Variants in CDH12 observed in about 807,000 individuals in gnomAD.
CDH12 encodes the protein cadherin 12, also known as cadherin-12.
In CDH12, 41 loss-of-function variants were observed where a neutral mutation model predicts 74.1. The observed-to-expected ratio is 0.55, with a 90% CI of 0.43 to 0.72. The LOEUF (loss-of-function observed/expected upper bound fraction) is 0.72. CDH12 is among the 30% of genes least tolerant of loss of function. The probability of loss-of-function intolerance (pLI) is 0.00; values close to 1 mark genes in which losing one functional copy is unlikely to be tolerated. For synonymous variants in CDH12, 399 were observed against 355.0 expected, an observed-to-expected ratio of 1.12 and a Z score of -1.39; for missense variants, 945 against 977.2, an observed-to-expected ratio of 0.97 and a Z score of 0.44.
At chr5:22,508,334 C>T (rs1298959925) in intron 1 of CDH12, among the ~76,000 whole-genome samples, 2 of 152,164 alleles carry the variant, frequency 1.3e-5, no homozygotes, top group African/African-American at 4.8e-5. Flanking sequence ...TGGTGACTTA[C>T]TTTGCAACCT....
Position 21,802,283 on chromosome 5 carries a change from C to T in CDH12, c.1140G>A (p.Glu380=), listed in dbSNP as rs1352267688. 1 of 1,612,058 alleles carries T rather than the reference C, an allele frequency of 6.2e-7. No homozygotes were observed. Among genetic ancestry groups the T allele is most frequent in the Non-Finnish European group, 8.5e-7 (1 of 1,179,342 alleles). ...AGAGCGGCTTGCTGAAAACCGGTGG[C>T]TCATCTACGTCCAGCACGCTGATCT... The part of the protein sequence containing the change: ...TVKISVLDVD[E]PPVFSKPLYT... The change falls in exon 10 of 15, where the codon GAG becomes GAA. Residue 380 remains glutamate, a synonymous_variant. Transcript: ENST00000382254.
At chr5:22,313,569 T>C (rs1004337149) in intron 3 of CDH12, among the ~76,000 whole-genome samples, 3 of 152,192 alleles carry the variant, frequency 2.0e-5, no homozygotes, top group African/African-American at 4.8e-5. Context: ...GATCACACTA[T>C]ATAAATTTTA....
At chr5:22,510,318 AG>A (rs1195383883) in intron 1 of CDH12, among the ~76,000 whole-genome samples, 1 of 152,202 alleles carries the variant, frequency 6.6e-6, no homozygotes, top group Non-Finnish European at 1.5e-5. Flanking sequence ...AGAAGTTAAT[AG>A]ACTTTGTTGG....
At chr5:22,597,259 T>C (rs1176803333) in intron 1 of CDH12, among the ~76,000 whole-genome samples, 1 of 152,176 alleles carries the variant, frequency 6.6e-6, no homozygotes, top group Admixed American at 6.5e-5. Flanking sequence ...TGGATAAAAA[T>C]ATAACAACTA....
At chr5:22,162,295 C>G (rs1748398188) in intron 4 of CDH12, among the ~76,000 whole-genome samples, 1 of 152,124 alleles carries the variant, frequency 6.6e-6, no homozygotes, top group Admixed American at 6.6e-5. Context: ...CTCTCTTTGT[C>G]TGACTCTTCA....
chr5:22,589,589 G>C (rs1740580729), intron 1 of CDH12, among the ~76,000 whole-genome samples: 1 of 152,122 alleles, frequency 6.6e-6, no homozygotes, highest in Non-Finnish European at 1.5e-5. Flanking sequence ...TCACTCCTTA[G>C]CCTTCTTTTA....
intron 4 of CDH12, among the ~76,000 whole-genome samples, chr5:22,184,891 G>T (rs2150340777): frequency 6.6e-6 from 1 of 152,268 alleles, no homozygotes; most frequent in South Asian, 2.1e-4. Context: ...GAAAGTGCAG[G>T]TTTGTTATGT....
chr5:22,321,334 G>A (rs927008411), intron 3 of CDH12, among the ~76,000 whole-genome samples: 2 of 148,166 alleles, frequency 1.3e-5, no homozygotes, highest in Non-Finnish European at 3.0e-5. Context: ...ATGAGTTCAC[G>A]TCCTTTGTAG....
intron 2 of CDH12, among the ~76,000 whole-genome samples, chr5:22,502,637 T>C (rs1736220331): frequency 6.9e-6 from 1 of 145,316 alleles, no homozygotes; most frequent in South Asian, 2.2e-4. Context: ...CAGTCATCTT[T>C]ACACACACAC....
rs1757015938 is a variant in CDH12 at position 21,975,278 on chromosome 5, T to C, written c.339A>G (p.Ala113=). ...TCTCTTCTCTATCTAGGCTCCTTAT[T>C]GCATGAATGTCCCCTGTGGTTTCAT... ...TIDETTGDIH[A]IRSLDREEKP... The change falls in exon 6 of 15, where the codon GCA becomes GCG. Residue 113 remains alanine, a synonymous_variant. Transcript: ENST00000382254. The C allele has an allele frequency of 1.3e-6, 2 of 1,597,130 alleles. No homozygotes were observed.
At chr5:22,600,168 C>A (rs1365437115) in intron 1 of CDH12, among the ~76,000 whole-genome samples, 1 of 151,990 alleles carries the variant, frequency 6.6e-6, no homozygotes, top group African/African-American at 2.4e-5. Flanking sequence ...AGCATACAGG[C>A]ACCTGTTGTA....
chr5:22,325,164 A>G (rs1313910279), intron 3 of CDH12, among the ~76,000 whole-genome samples: 1 of 152,202 alleles, frequency 6.6e-6, no homozygotes, highest in Non-Finnish European at 1.5e-5. Flanking sequence ...CATTTGGTGA[A>G]ATCCCCAAAT....
At chr5:22,544,339 A>G (rs1353010515) in intron 1 of CDH12, among the ~76,000 whole-genome samples, 1 of 152,172 alleles carries the variant, frequency 6.6e-6, no homozygotes, top group Non-Finnish European at 1.5e-5. Flanking sequence ...AGTTCCATAT[A>G]TAATTATTTG....
At chr5:21,759,368 T>A (rs16888458) in intron 13 of CDH12, among the ~76,000 whole-genome samples, 1 of 151,902 alleles carries the variant, frequency 6.6e-6, no homozygotes, top group Non-Finnish European at 1.5e-5. Context: ...AGTCTTTAAG[T>A]AGCAAATTCT....
At chr5:22,462,532 G>A (rs1361155449) in intron 2 of CDH12, among the ~76,000 whole-genome samples, 1 of 152,144 alleles carries the variant, frequency 6.6e-6, no homozygotes, top group African/African-American at 2.4e-5. Context: ...CATCGTGGCA[G>A]GCTGCCTACT....
chr5:22,362,587 A>C (rs1236432020), intron 3 of CDH12, among the ~76,000 whole-genome samples: 2 of 152,054 alleles, frequency 1.3e-5, no homozygotes, highest in Non-Finnish European at 2.9e-5. Flanking sequence ...CTGAGTATAT[A>C]CCCAAAGGAT....
chr5:22,015,894 C>T (rs1737572758), intron 5 of CDH12, among the ~76,000 whole-genome samples: 2 of 152,126 alleles, frequency 1.3e-5, no homozygotes, highest in South Asian at 2.1e-4. Context: ...CTATCATAAG[C>T]ATTACATGCC....
chr5:22,405,524 A>G (rs933592701), intron 2 of CDH12, among the ~76,000 whole-genome samples, 173 bp from the exon 3 acceptor site: 1 of 152,202 alleles, frequency 6.6e-6, no homozygotes, highest in Non-Finnish European at 1.5e-5. Context: ...AAATTCTATC[A>G]GGCCAAAGAT....
intron 7 of CDH12, among the ~76,000 whole-genome samples, chr5:21,844,616 G>T (rs1196199470): frequency 6.6e-6 from 1 of 152,106 alleles, no homozygotes; most frequent in Non-Finnish European, 1.5e-5. Flanking sequence ...GATGGAAAAG[G>T]TCTTGACAAT....
Sources: gnomAD v4.1 joint callset for allele counts (sites outside exome capture counted in the v4.1 genomes callset) on GRCh38, gnomAD v4.1.1 for gene constraint, MANE v1.5 for transcripts, NCBI Gene and HGNC (gene_info 2026-07-23, HGNC 2026-07-21) for gene names.